The following CARS2 variants were observed in gnomAD, a reference collection of about 807,000 sequenced individuals.
CARS2 encodes cysteinyl-tRNA synthetase 2, mitochondrial.
CARS2 carries 52 observed loss-of-function variants against 68.8 expected under a neutral mutation model. That is an observed-to-expected ratio of 0.76 (90% CI 0.61 to 0.95). The LOEUF (loss-of-function observed/expected upper bound fraction) is 0.95. Ranked by LOEUF, CARS2 falls within the 40% of genes least tolerant of loss-of-function variation. The pLI, the probability that CARS2 is intolerant of heterozygous loss-of-function variation, is 0.00. For synonymous variants in CARS2, 314 were observed against 303.6 expected, an observed-to-expected ratio of 1.03 and a Z score of -0.36; for missense variants, 780 against 754.2, an observed-to-expected ratio of 1.03 and a Z score of -0.40.
In CARS2 at chr13:110,665,639, C is replaced by T. The variant is rs1371125801; in HGVS notation, c.919+1701G>A. On this transcript the variant is annotated intron_variant, in intron 8 of 14. Transcript: ENST00000257347. The surrounding 1 kb of genome is among the most constrained non-coding windows in gnomAD (Gnocchi z 4.3). ...GTTGTCAGTAACAAACCCTGACCTACTGAACAGGATAAACCTGCAGACAGA... is the reference window on the plus strand; with the variant it reads ...GTTGTCAGTAACAAACCCTGACCTATTGAACAGGATAAACCTGCAGACAGA... 2.0e-6 allele frequency: 2 copies of T among 985,298 alleles called. No homozygotes were observed. Among genetic ancestry groups the T allele is most frequent in the Non-Finnish European group, 2.4e-6 (2 of 829,966 alleles). The allele number at this position is 985,298 out of a possible 1,614,324, so 61.0% of individuals were successfully genotyped here.
In CARS2 at chr13:110,673,605, T is replaced by A. The variant is rs201223410; in HGVS notation, c.785+3369A>T. On this transcript the variant is annotated intron_variant, in intron 7 of 14. Transcript: ENST00000257347. Reference sequence around the variant, plus strand: ...ATTTATGACAAACCCACAGCCAATATCATACTGAATGGGCAAAAACTGGAA... The same window carrying A: ...ATTTATGACAAACCCACAGCCAATAACATACTGAATGGGCAAAAACTGGAA... 5.5e-3 allele frequency among the ~76,000 whole-genome samples: 836 copies of A among 152,192 alleles called. 18 individuals carry two copies. The South Asian group carries it at 0.058, about 11-fold the overall frequency.
At chr13:110,708,527 C>T (rs2064001806), upstream of CARS2, among the ~76,000 whole-genome samples, 1 of 151,952 alleles carries the variant, frequency 6.6e-6, no homozygotes, top group African/African-American at 2.4e-5. Context: ...TCAGAAAATT[C>T]ATGTAATGTT....
chr13:110,663,750 T>C, intron 8 of CARS2: 1 of 1,271,924 alleles, frequency 7.9e-7, no homozygotes, highest in South Asian at 2.8e-5. Flanking sequence ...TGAGAGCAGA[T>C]GGCAGGGGTG....
chr13:110,669,996 C>T (rs1205116731), intron 7 of CARS2, among the ~76,000 whole-genome samples: 1 of 152,190 alleles, frequency 6.6e-6, no homozygotes, highest in Non-Finnish European at 1.5e-5. Context: ...TGCAAGGCGG[C>T]AGCGAGGCTG....
chr13:110,682,291 G>A (rs2063179111), intron 6 of CARS2, among the ~76,000 whole-genome samples: 1 of 152,252 alleles, frequency 6.6e-6, no homozygotes, highest in African/African-American at 2.4e-5. Flanking sequence ...TGTAAGCAAA[G>A]CCCACACGGC....
intron 9 of CARS2, among the ~76,000 whole-genome samples, chr13:110,658,938 C>CA (rs1253465806): frequency 6.6e-6 from 1 of 151,692 alleles, no homozygotes; most frequent in African/African-American, 2.4e-5. Context: ...AACAAACAAA[C>CA]AAAAAAAGAA....
chr13:110,665,188 T>G lies in CARS2; in HGVS notation c.920-1670A>C. On this transcript the variant is annotated intron_variant, in intron 8 of 14. Transcript: ENST00000257347. This position sits in a 1 kb window ranked among gnomAD's most constrained non-coding sequence, Gnocchi z 4.3. ...CCCACCACGTGCAGTGGCTCACGCC[T>G]ATAATCCCAGCACTTTGGGAGGCAG... 1.0e-6 allele frequency: 1 copy of G among 983,890 alleles called. No homozygotes were observed. Among genetic ancestry groups the G allele is most frequent in the African/African-American group, 1.7e-5 (1 of 57,322 alleles). The allele number at this position is 983,890 out of a possible 1,614,324, so 60.9% of individuals were successfully genotyped here. A position where few individuals can be genotyped will look rare whatever the true frequency, so the allele number is the denominator to read the frequency against.
Position 110,653,385 on chromosome 13 carries a change from C to T in CARS2, c.988-2285G>A, listed in dbSNP as rs929001552. On this transcript the variant is annotated intron_variant, in intron 9 of 14. Coordinates refer to ENST00000257347, the MANE Select transcript of CARS2 (RefSeq NM_024537.4). The surrounding 1 kb of genome is among the most constrained non-coding windows in gnomAD (Gnocchi z 5.6). ...TCGCAACTCGCAGGCTTACTTGACA[C>T]CCTCCCTCACCCGAGGTGCTGTGGT... 8.5e-5 allele frequency among the ~76,000 whole-genome samples: 13 copies of T among 152,210 alleles called. No individual in the cohort carries two copies. The highest frequency in any genetic ancestry group is 1.8e-4 in the Non-Finnish European group (12 of 68,046).
At chr13:110,662,243 G>T (rs987635867) in intron 9 of CARS2, among the ~76,000 whole-genome samples, 15 of 96,486 alleles carry the variant, frequency 1.6e-4, no homozygotes, top group Admixed American at 7.9e-4. Flanking sequence ...GGCCGGGTTC[G>T]GACCTCTCTC....
intron 3 of CARS2, among the ~76,000 whole-genome samples, chr13:110,701,073 C>CTT (rs374928372): frequency 1.4e-5 from 2 of 147,120 alleles, no homozygotes. Flanking sequence ...TTTCTTTTTT[C>CTT]TTTTTTTTTT....
intron 12 of CARS2, 51 bp downstream of exon 12, chr13:110,645,916 G>A (rs1032230756): frequency 3.1e-6 from 5 of 1,591,374 alleles, no homozygotes; most frequent in Middle Eastern, 1.8e-4. Flanking sequence ...CAGAGGACCC[G>A]ACCCATGCCC....
At chr13:110,645,864 AATC>A in intron 12 of CARS2, 100 bp downstream of exon 12, 1 of 1,428,242 alleles carries the variant, frequency 7.0e-7, no homozygotes, top group Non-Finnish European at 9.4e-7. Context: ...CGGGAGGCGA[AATC>A]AGCAGAGATG....
At chr13:110,706,350 G>C (rs1264866263), upstream of CARS2, 2 of 285,046 alleles carry the variant, frequency 7.0e-6, no homozygotes, top group African/African-American at 2.2e-5. Flanking sequence ...CGCGCCGGGA[G>C]GCCGTGGGAA....
Position 110,668,401 on chromosome 13 carries a change from G to T in CARS2, c.786-928C>A, listed in dbSNP as rs143850046. ...CACTAAAATACAAAAAATCAGCCGG[G>T]CGTGGTGGCGGGTGCCTGTAGTCCC... On this transcript the variant is annotated intron_variant, in intron 7 of 14. Coordinates refer to ENST00000257347, the MANE Select transcript of CARS2 (RefSeq NM_024537.4). This position sits in a 1 kb window ranked among gnomAD's most constrained non-coding sequence, Gnocchi z 4.1. Among the ~76,000 whole-genome samples, 344 of 152,246 alleles carry T rather than the reference G, an allele frequency of 2.3e-3. 4 individuals carry two copies. Among genetic ancestry groups the T allele is most frequent in the African/African-American group, 8.1e-3 (337 of 41,546 alleles).
chr13:110,686,518 A>G (rs955460974), intron 5 of CARS2, among the ~76,000 whole-genome samples: 1 of 151,824 alleles, frequency 6.6e-6, no homozygotes, highest in African/African-American at 2.4e-5. Context: ...AAGTGCTGGG[A>G]TTATAGGTAT....
intron 9 of CARS2, among the ~76,000 whole-genome samples, chr13:110,657,369 C>T (rs995696826): frequency 6.6e-6 from 1 of 152,172 alleles, no homozygotes; most frequent in Non-Finnish European, 1.5e-5. Flanking sequence ...TCCCATTTCC[C>T]CTCAAAGGCA....
intron 10 of CARS2, among the ~76,000 whole-genome samples, chr13:110,647,509 C>A (rs1407535561): frequency 7.3e-6 from 1 of 137,768 alleles, no homozygotes; most frequent in Non-Finnish European, 1.5e-5. Context: ...AGGTGCATTT[C>A]CACTGACTGG....
chr13:110,695,610 G>C (rs2063598247), intron 3 of CARS2, among the ~76,000 whole-genome samples: 1 of 152,094 alleles, frequency 6.6e-6, no homozygotes, highest in Non-Finnish European at 1.5e-5. Flanking sequence ...GATGAACCTT[G>C]AGGAATTATG....
rs773561594 is a variant in CARS2 at position 110,705,687 on chromosome 13, CG to C, written c.225-117del. The C allele has an allele frequency of 2.4e-5, 35 of 1,482,252 alleles. No individual in the cohort carries two copies. The Admixed American group carries it at 4.1e-4, about 17-fold the overall frequency. 91.8% of individuals were successfully genotyped at this position (1,482,252 alleles called of 1,614,324 possible). A position where few individuals can be genotyped will look rare whatever the true frequency, so the allele number is the denominator to read the frequency against. On this transcript the variant is annotated intron_variant, in intron 1 of 14. Coordinates refer to ENST00000257347, the MANE Select transcript of CARS2 (RefSeq NM_024537.4). The surrounding 1 kb of genome is among the most constrained non-coding windows in gnomAD (Gnocchi z 4.0). The stretch of plus-strand genomic sequence containing the variant: ...TAATCACTTCTGGGGGATGAATAGC[CG>C]GGGTTTTCATACTTGCTCAATTCAC...
Sources: gnomAD v4.1 joint callset for allele counts (sites outside exome capture counted in the v4.1 genomes callset) on GRCh38, gnomAD v4.1.1 for gene constraint, Gnocchi (gnomAD v3.1) non-coding constraint, MANE v1.5 for transcripts, NCBI Gene and HGNC (gene_info 2026-07-23, HGNC 2026-07-21) for gene names.